ALDH1L2: variants seen among roughly 807,000 people sequenced by gnomAD.
ALDH1L2 encodes aldehyde dehydrogenase 1 family member L2, also known as mitochondrial 10-formyltetrahydrofolate dehydrogenase.
In ALDH1L2, 91 loss-of-function variants were observed where a neutral mutation model predicts 111.0. That is an observed-to-expected ratio of 0.82 (90% CI 0.69 to 0.98). The LOEUF (loss-of-function observed/expected upper bound fraction) is 0.98, where lower values mean the gene tolerates loss of function less well. Among genes scored for constraint, ALDH1L2 ranks in the 50% least tolerant of loss-of-function variants. The pLI is 0.00. For missense variants in ALDH1L2, 995 were observed against 1,126.8 expected, an observed-to-expected ratio of 0.88 and a Z score of 1.67; for synonymous variants, 374 against 392.6, an observed-to-expected ratio of 0.95 and a Z score of 0.56.
intron 9 of ALDH1L2, among the ~76,000 whole-genome samples, chr12:105,058,655 T>C (rs1592791350): frequency 1.3e-5 from 2 of 152,214 alleles, no homozygotes; most frequent in African/African-American, 4.8e-5. Context: ...CATTTGTTTG[T>C]ATTACGTAGT....
intron 10 of ALDH1L2, among the ~76,000 whole-genome samples, chr12:105,056,678 A>G (rs1459732683): frequency 6.6e-6 from 1 of 151,902 alleles, no homozygotes; most frequent in African/African-American, 2.4e-5. Flanking sequence ...AAGCTTTCCT[A>G]TACTATTAAG....
rs1420987023 is a variant in ALDH1L2 at position 105,073,908 on chromosome 12, A to G, written c.146T>C (p.Val49Ala). The G allele has an allele frequency of 2.5e-6, 4 of 1,614,118 alleles. No individual in the cohort carries two copies. The highest frequency in any genetic ancestry group is 3.4e-6 in the Non-Finnish European group (4 of 1,180,006). ...SHLRKEGHRV[V>A]GVFTVPDKDG... ...CTTGTCTGGAACTGTGAACACCCCT[A>G]CTACTCGGTGGCCCTCTTTGCGGAG... is the stretch of plus-strand genomic sequence containing the variant. Residue 49 changes from valine (V) to alanine (A), a missense_variant, in exon 2 of 23, where the codon GTA (valine) becomes GCA (alanine). Physicochemically the swap from Val to Ala is moderately conservative, Grantham distance 64 (BLOSUM62 0). Transcript: ENST00000258494.
intron 15 of ALDH1L2, among the ~76,000 whole-genome samples, chr12:105,044,157 C>T (rs1364609704): frequency 2.0e-5 from 3 of 152,166 alleles, no homozygotes; most frequent in Non-Finnish European, 4.4e-5. Context: ...ATAGAGCCAG[C>T]CTGTAATTTC....
intron 15 of ALDH1L2, 70 bp from the exon 16 acceptor site, chr12:105,040,764 C>T (rs971274813): frequency 6.3e-5 from 76 of 1,206,056 alleles, no homozygotes; most frequent in Non-Finnish European, 8.1e-5. Context: ...ACCCAGTTTT[C>T]CCTTGATAGC....
intron 1 of ALDH1L2, among the ~76,000 whole-genome samples, chr12:105,077,461 T>C (rs1878117183): frequency 6.6e-6 from 1 of 150,576 alleles, no homozygotes; most frequent in African/African-American, 2.4e-5. Context: ...TTAATTTTAG[T>C]AGAGATGGGG....
At chr12:105,024,569 C>T in intron 22 of ALDH1L2, 90 bp from the exon 23 acceptor site, 1 of 1,278,732 alleles carries the variant, frequency 7.8e-7, no homozygotes, top group South Asian at 1.2e-5. Context: ...CGTAGGTGTC[C>T]AGGTCACTAA....
intron 19 of ALDH1L2, among the ~76,000 whole-genome samples, chr12:105,032,633 C>A (rs1874771832): frequency 6.6e-6 from 1 of 152,206 alleles, no homozygotes; most frequent in African/African-American, 2.4e-5. Context: ...TGCACCCAAC[C>A]ACTAAATACT....
At chr12:105,061,831 T>C (rs896753967) in intron 7 of ALDH1L2, 79 bp from the exon 8 acceptor site, 13 of 1,549,764 alleles carry the variant, frequency 8.4e-6, no homozygotes, top group Non-Finnish European at 9.7e-6. Context: ...AGGAGTCCTA[T>C]AGATTATATG....
intron 10 of ALDH1L2, among the ~76,000 whole-genome samples, chr12:105,053,672 T>G (rs1876435709): frequency 6.6e-6 from 1 of 152,206 alleles, no homozygotes; most frequent in African/African-American, 2.4e-5. Flanking sequence ...GCTCATGATC[T>G]ATGAGCTATT....
intron 11 of ALDH1L2, 113 bp from the exon 12 acceptor site, chr12:105,052,330 T>A: frequency 9.0e-7 from 1 of 1,107,196 alleles, no homozygotes; most frequent in Admixed American, 2.8e-5. Flanking sequence ...AAAAAAGTTA[T>A]GATAAGAAAT....
chr12:105,043,948 A>G (rs546234082), intron 15 of ALDH1L2, among the ~76,000 whole-genome samples: 2 of 152,370 alleles, frequency 1.3e-5, no homozygotes, highest in East Asian at 1.9e-4. Context: ...CATATAACAA[A>G]GCAGACAACA....
intron 20 of ALDH1L2, among the ~76,000 whole-genome samples, chr12:105,030,681 G>A (rs1874648978): frequency 6.6e-6 from 1 of 152,020 alleles, no homozygotes; most frequent in Non-Finnish European, 1.5e-5. Flanking sequence ...TCCATATTTT[G>A]CTGTATTTAT....
chr12:105,060,117 C>A (rs539679630), intron 9 of ALDH1L2, among the ~76,000 whole-genome samples: 1 of 151,862 alleles, frequency 6.6e-6, no homozygotes, highest in East Asian at 1.9e-4. Context: ...CTTGTCCTTG[C>A]AAGTAGCCTG....
chr12:105,065,216 C>A (rs759310274), intron 6 of ALDH1L2, 51 bp downstream of exon 6: 3 of 1,269,340 alleles, frequency 2.4e-6, no homozygotes, highest in Non-Finnish European at 2.2e-6. Context: ...ATATCTCTTA[C>A]AAAGGTAATA....
At chr12:105,049,863 A>G (rs769286213) in intron 13 of ALDH1L2, 45 bp downstream of exon 13, 4 of 1,576,638 alleles carry the variant, frequency 2.5e-6, no homozygotes, top group East Asian at 2.3e-5. Flanking sequence ...AAACTAATCA[A>G]TGTTAGTCCC....
intron 19 of ALDH1L2, among the ~76,000 whole-genome samples, chr12:105,033,115 GC>G (rs1874797726): frequency 6.6e-6 from 1 of 152,178 alleles, no homozygotes; most frequent in Admixed American, 6.5e-5. Context: ...ATCTCTTAGT[GC>G]GTTCCCCAGG....
chr12:105,067,599 G>A (rs187214094), intron 4 of ALDH1L2, among the ~76,000 whole-genome samples: 155 of 152,236 alleles, frequency 1.0e-3, no homozygotes, highest in Non-Finnish European at 1.7e-3. Flanking sequence ...TTTCTTCTCT[G>A]TTATATTTAC....
chr12:105,065,119 T>C, intron 6 of ALDH1L2, 148 bp downstream of exon 6: 1 of 482,340 alleles, frequency 2.1e-6, no homozygotes, highest in Non-Finnish European at 3.8e-6. Flanking sequence ...CAATAAATGC[T>C]TAATACATGC....
intron 22 of ALDH1L2, among the ~76,000 whole-genome samples, chr12:105,026,336 C>A (rs945086659): frequency 1.3e-5 from 2 of 152,176 alleles, no homozygotes; most frequent in African/African-American, 4.8e-5. Flanking sequence ...AAAGAAATAT[C>A]TTTCCACACA....
Sources: gnomAD v4.1 joint callset for allele counts (sites outside exome capture counted in the v4.1 genomes callset) on GRCh38, gnomAD v4.1.1 for gene constraint, MANE v1.5 for transcripts, NCBI Gene and HGNC (gene_info 2026-07-23, HGNC 2026-07-21) for gene names.